Variants in SFMBT1 observed in about 807,000 individuals in gnomAD.
SFMBT1 encodes the protein Scm like with four mbt domains 1.
A neutral mutation model predicts 108.7 loss-of-function variants in SFMBT1; 32 were observed. The ratio of observed to expected loss-of-function variants is 0.29; its 90% confidence interval spans 0.22 to 0.40. The LOEUF is 0.40. SFMBT1 is among the 10% of genes least tolerant of loss of function. SFMBT1 has a pLI of 1.00. For missense variants in SFMBT1, 816 were observed against 1,059.6 expected (o/e 0.77, Z 3.19); for synonymous variants, 348 against 369.5 (o/e 0.94, Z 0.67).
chr3:52,920,662 TAAAC>T lies in SFMBT1; in HGVS notation c.1259-16_1259-13del, dbSNP rs143128850. ...AGGCTTCTTAGAACCTGTTTAGATTTAAACAAACAAACAAACAAACAAACAAACC... is the reference window on the plus strand; with the variant it reads ...AGGCTTCTTAGAACCTGTTTAGATTTAAACAAACAAACAAACAAACAAACC... On this transcript the variant is annotated splice_polypyrimidine_tract_variant and intron_variant, in intron 11 of 20. Coordinates refer to ENST00000394752, the MANE Select transcript of SFMBT1 (RefSeq NM_016329.4). The T allele has an allele frequency of 7.0e-3, 10,393 of 1,489,936 alleles. 194 individuals are homozygous for T. Among genetic ancestry groups the T allele is most frequent in the African/African-American group, 0.063 (4,443 of 70,714 alleles). 92.3% of individuals were successfully genotyped at this position (1,489,936 alleles called of 1,614,324 possible). A position where few individuals can be genotyped will look rare whatever the true frequency, so the allele number is the denominator to read the frequency against.
chr3:52,926,491 C>T (rs1349526353), intron 9 of SFMBT1, among the ~76,000 whole-genome samples: 2 of 152,096 alleles, frequency 1.3e-5, no homozygotes, highest in Non-Finnish European at 2.9e-5. Context: ...TAAAGGGACT[C>T]GGGCTCTCAA....
chr3:52,966,154 A>G (rs1392687557), intron 2 of SFMBT1, among the ~76,000 whole-genome samples: 3 of 145,480 alleles, frequency 2.1e-5, no homozygotes, highest in East Asian at 4.0e-4. Flanking sequence ...CGTCTCTACT[A>G]AAAATACAAA....
intron 3 of SFMBT1, among the ~76,000 whole-genome samples, chr3:52,948,174 G>A (rs547213459): frequency 1.2e-4 from 19 of 152,268 alleles, no homozygotes; most frequent in African/African-American, 4.3e-4. Flanking sequence ...AGTTAAATAT[G>A]GGTAAGGGTT....
In SFMBT1 at chr3:52,934,862, C is replaced by T. The variant is rs748760209; in HGVS notation, c.404G>A (p.Arg135Gln). 43 of 1,613,450 alleles carry T rather than the reference C, an allele frequency of 2.7e-5. No individual in the cohort carries two copies. In the East Asian group the frequency reaches 2.9e-4, roughly 11 times the overall value. The change falls in exon 5 of 21, where the codon CGG becomes CAG. Residue 135 changes from arginine to glutamine, a missense_variant. Physicochemically the swap from Arg to Gln is conservative, Grantham distance 43. Coordinates refer to ENST00000394752, the MANE Select transcript of SFMBT1 (RefSeq NM_016329.4). ...ACTACATGCTCCTATCAGGGTCTGC[C>T]GCAGAAACTCATCCCAGTCAGATAC... The part of the protein sequence containing the change: ...DKVSDWDEFL[R>Q]QTLIGACSPP...
In SFMBT1 at chr3:52,998,923, C is replaced by T. The variant is rs377086409; in HGVS notation, c.-130-29665G>A. Among the ~76,000 whole-genome samples, 4 of 150,878 alleles carry T rather than the reference C, an allele frequency of 2.7e-5. 1 individual carries two copies. ...TGTTGATGGGCTGGCACCCGCAGAGCTGCCCTGCCGGCCACCGACCACCAT... is the reference window on the plus strand; with the variant it reads ...TGTTGATGGGCTGGCACCCGCAGAGTTGCCCTGCCGGCCACCGACCACCAT... On this transcript the variant is annotated intron_variant, in intron 1 of 20. Transcript: ENST00000394752.
At position 52,903,808 on chromosome 3, in the gene SFMBT1, G is replaced by T. The variant is rs961551298; in HGVS notation, c.*1328C>A. On this transcript the variant is annotated 3_prime_UTR_variant, in exon 21 of 21. Coordinates refer to ENST00000394752, the MANE Select transcript of SFMBT1 (RefSeq NM_016329.4). ...TATTATTCTATAATAGCTAGCAATGGAATAGTAAGTGAAAATTCACCTGGA... is the reference window on the plus strand; with the variant it reads ...TATTATTCTATAATAGCTAGCAATGTAATAGTAAGTGAAAATTCACCTGGA... 6.6e-6 allele frequency: 1 copy of T among 152,190 alleles called. No individual in the cohort carries two copies. Among genetic ancestry groups the T allele is most frequent in the Admixed American group, 6.5e-5 (1 of 15,274 alleles). The allele number at this position is 152,190 out of a possible 1,614,324, so 9.4% of individuals were successfully genotyped here.
At chr3:52,977,328 G>C (rs932789820) in intron 1 of SFMBT1, among the ~76,000 whole-genome samples, 1 of 152,044 alleles carries the variant, frequency 6.6e-6, no homozygotes, top group African/African-American at 2.4e-5. Context: ...GAAAAACATG[G>C]TGAAACCCAG....
intron 1 of SFMBT1, among the ~76,000 whole-genome samples, chr3:52,972,415 G>A (rs767424758): frequency 6.6e-6 from 1 of 152,214 alleles, no homozygotes. Context: ...ATCTGTTCAC[G>A]CTCTCTCTTT....
chr3:52,928,663 TACATATATACACACACACAC>T (rs1702762246), intron 8 of SFMBT1, among the ~76,000 whole-genome samples: 1 of 32,770 alleles, frequency 3.1e-5, no homozygotes, highest in African/African-American at 6.4e-5. Flanking sequence ...TACACATATA[TACATATATACACACACACAC>T]ATATATATAT....
chr3:52,939,137 C>T (rs1343755787), intron 4 of SFMBT1, among the ~76,000 whole-genome samples: 2 of 152,104 alleles, frequency 1.3e-5, no homozygotes, highest in Non-Finnish European at 2.9e-5. Context: ...TCCTAAATAG[C>T]CGTGGTATTA....
chr3:53,031,479 C>T (rs1363619557), intron 1 of SFMBT1, among the ~76,000 whole-genome samples: 2 of 152,038 alleles, frequency 1.3e-5, no homozygotes, highest in Non-Finnish European at 2.9e-5. Context: ...TGAGGAAAGG[C>T]ATTTTGCCAA....
Position 53,014,472 on chromosome 3 carries a change from TAAAAAAAACA to T in SFMBT1, c.-131+31334_-131+31343del, listed in dbSNP as rs1199639996. On this transcript the variant is annotated intron_variant, in intron 1 of 20. Transcript: ENST00000394752. ...GTGACAGAGTGAGAGACCCTGTATT[TAAAAAAAACA>T]AAACAAAACAAAACAAAACAAAACA... Among the ~76,000 whole-genome samples, 1,227 of 129,168 alleles carry T rather than the reference TAAAAAAAACA, an allele frequency of 9.5e-3. 17 individuals are homozygous for T. The highest frequency in any genetic ancestry group is 0.033 in the African/African-American group (1,174 of 35,970). 84.7% of individuals were successfully genotyped at this position (129,168 alleles called of 152,430 possible). A position where few individuals can be genotyped will look rare whatever the true frequency, so the allele number is the denominator to read the frequency against.
chr3:52,953,796 G>A (rs1342673057), intron 3 of SFMBT1, among the ~76,000 whole-genome samples: 2 of 152,166 alleles, frequency 1.3e-5, no homozygotes, highest in African/African-American at 4.8e-5. Flanking sequence ...GTCATGCATT[G>A]AGTAGCAGAA....
chr3:52,910,889 CAGA>C lies in SFMBT1; in HGVS notation c.1906+111_1906+113del, dbSNP rs1413627355. ...GAAATATTTATCATCTGGCCCTTTA[CAGA>C]AGAAGTTCGTGTGCCTCTGCTATAT... On this transcript the variant is annotated intron_variant, in intron 17 of 20. Coordinates refer to ENST00000394752, the MANE Select transcript of SFMBT1 (RefSeq NM_016329.4). The C allele has an allele frequency of 6.1e-6, 5 of 822,616 alleles. No homozygotes were observed. The African/African-American group carries it at 8.6e-5, about 14-fold the overall frequency. 51.0% of individuals were successfully genotyped at this position (822,616 alleles called of 1,614,324 possible). A position where few individuals can be genotyped will look rare whatever the true frequency, so the allele number is the denominator to read the frequency against.
intron 1 of SFMBT1, among the ~76,000 whole-genome samples, chr3:53,032,368 T>G (rs1292557419): frequency 1.3e-5 from 2 of 151,968 alleles, no homozygotes; most frequent in Admixed American, 1.3e-4. Flanking sequence ...AGACCCTGTC[T>G]CAGAAAAATA....
At chr3:52,914,339 T>C (rs1278417294) in intron 14 of SFMBT1, among the ~76,000 whole-genome samples, 1 of 152,224 alleles carries the variant, frequency 6.6e-6, no homozygotes, top group Non-Finnish European at 1.5e-5. Flanking sequence ...GCTCTTCTAA[T>C]AGATATGCCT....
intron 1 of SFMBT1, among the ~76,000 whole-genome samples, chr3:52,997,632 A>C (rs1419023038): frequency 6.6e-6 from 1 of 150,636 alleles, no homozygotes; most frequent in Non-Finnish European, 1.5e-5. Context: ...TGCTATATGA[A>C]ACATGCCAGA....
chr3:52,980,928 C>T (rs767901049), intron 1 of SFMBT1, among the ~76,000 whole-genome samples: 4 of 152,018 alleles, frequency 2.6e-5, no homozygotes, highest in Admixed American at 1.3e-4. Context: ...TTTGGGAGGC[C>T]GAGGCGGGTG....
intron 2 of SFMBT1, among the ~76,000 whole-genome samples, chr3:52,965,540 C>T (rs888161026): frequency 6.6e-6 from 1 of 152,000 alleles, no homozygotes; most frequent in Non-Finnish European, 1.5e-5. Flanking sequence ...CATCAGAAAC[C>T]ATGGAGGCCA....
Sources: gnomAD v4.1 joint callset for allele counts (sites outside exome capture counted in the v4.1 genomes callset) on GRCh38, gnomAD v4.1.1 for gene constraint, MANE v1.5 for transcripts, NCBI Gene and HGNC (gene_info 2026-07-23, HGNC 2026-07-21) for gene names.